The following IKBIP variants were observed in gnomAD, a reference collection of about 807,000 sequenced individuals.
The protein encoded by IKBIP is inhibitor of nuclear factor kappa-B kinase-interacting protein.
IKBIP carries 28 observed loss-of-function variants against 31.0 expected under a neutral mutation model. The observed-to-expected ratio is 0.90, with a 90% CI of 0.67 to 1.24. The LOEUF is 1.24. Ranked by LOEUF, IKBIP falls within the 50% of genes most tolerant of loss-of-function variation. The pLI is 0.00. For missense variants in IKBIP, 453 were observed against 441.9 expected, an observed-to-expected ratio of 1.03 and a Z score of -0.23; for synonymous variants, 164 against 160.3, an observed-to-expected ratio of 1.02 and a Z score of -0.17.
downstream of IKBIP, among the ~76,000 whole-genome samples, chr12:98,619,855 G>T (rs1442217099): frequency 8.2e-6 from 1 of 122,406 alleles, no homozygotes; most frequent in African/African-American, 3.1e-5. Context: ...CTGGGCGACA[G>T]AACCAGACCC....
chr12:98,644,454 A>G, intron 1 of IKBIP, 69 bp downstream of exon 1: 1 of 1,450,696 alleles, frequency 6.9e-7, no homozygotes, highest in Middle Eastern at 2.2e-4. Context: ...CTGGATGTTG[A>G]GCCGGGTGGG....
Position 98,624,614 on chromosome 12 carries a change from C to CA in IKBIP, c.*1315dup. 1.1e-6 allele frequency: 1 copy of CA among 900,696 alleles called. No homozygotes were observed. Among genetic ancestry groups the CA allele is most frequent in the Non-Finnish European group, 1.3e-6 (1 of 752,814 alleles). 55.8% of individuals were successfully genotyped at this position (900,696 alleles called of 1,614,324 possible). A position where few individuals can be genotyped will look rare whatever the true frequency, so the allele number is the denominator to read the frequency against. ...AAGGTTATTGACAAAGAAACAAGAA[C>CA]AAACTTCCATATTGCAGTTGACTAC... On this transcript the variant is annotated 3_prime_UTR_variant, in exon 3 of 3. Transcript: ENST00000299157.
In IKBIP at chr12:98,626,663, A is replaced by G; in HGVS notation, c.401T>C (p.Ile134Thr). 1 of 1,614,018 alleles carries G rather than the reference A, an allele frequency of 6.2e-7. No homozygotes were observed. ...VSNLQDIMHD[I>T]QNNEEVLTQR... ...AGTGAGCACCTCTTCATTATTTTGA[A>G]TGTCATGCATGATATCTTGGAGGTT... The change falls in exon 3 of 3, where the codon ATT becomes ACT. Residue 134 changes from isoleucine to threonine, a missense_variant. By Grantham distance (89) the Ile-to-Thr change is moderately conservative (BLOSUM62 -1). Coordinates refer to ENST00000299157, the MANE Select transcript of IKBIP (RefSeq NM_153687.4).
Position 98,642,599 on chromosome 12 carries a change from C to CTTATTT in IKBIP, c.179+1923_179+1924insAAATAA, listed in dbSNP as rs1565845650. Among the ~76,000 whole-genome samples the CTTATTT allele has an allele frequency of 5.6e-4, 64 of 115,280 alleles. 1 individual carries two copies. In the East Asian group the frequency reaches 0.015, roughly 26 times the overall value. The allele number at this position is 115,280 out of a possible 152,430, so 75.6% of individuals were successfully genotyped here. On this transcript the variant is annotated intron_variant, in intron 1 of 2. Coordinates refer to ENST00000299157, the MANE Select transcript of IKBIP (RefSeq NM_153687.4). Reference sequence around the variant, plus strand: ...TTAGTAAAATAAATAATGCTATCTGCTTTTTTTTTTTTTTTTTTTGAGAAG... The same window carrying CTTATTT: ...TTAGTAAAATAAATAATGCTATCTGCTTATTTTTTTTTTTTTTTTTTTTTTGAGAAG...
rs1277015589 is a variant in IKBIP, at chr12:98,624,380, CT to C, written c.*1549del. 1 of 985,280 alleles carries C rather than the reference CT, an allele frequency of 1.0e-6. No individual in the cohort carries two copies. The highest frequency in any genetic ancestry group is 6.1e-5 in the Admixed American group (1 of 16,272). The allele number at this position is 985,280 out of a possible 1,614,324, so 61.0% of individuals were successfully genotyped here. The stretch of plus-strand genomic sequence containing the variant: ...GACTGCAAAAATTAATGCTATGCCC[CT>C]TAATAACAGAACTCTCCAGGCTTAT... On this transcript the variant is annotated 3_prime_UTR_variant, in exon 3 of 3. Coordinates refer to ENST00000299157, the MANE Select transcript of IKBIP (RefSeq NM_153687.4).
chr12:98,613,754 T>C, exon 3 of IKBIP: 4 of 1,612,550 alleles, frequency 2.5e-6, no homozygotes, highest in Non-Finnish European at 3.4e-6. Flanking sequence ...TACTAATGGT[T>C]CTAAACGGGA....
downstream of IKBIP, among the ~76,000 whole-genome samples, chr12:98,620,113 T>C (rs12424982): frequency 0.3 from 42,564 of 143,138 alleles, 6,971 homozygotes; most frequent in East Asian, 0.49. Flanking sequence ...TTTTTTTTTT[T>C]AGTAGAGACG....
At chr12:98,627,280 A>C (rs1301380137) in intron 2 of IKBIP, among the ~76,000 whole-genome samples, 1 of 64,896 alleles carries the variant, frequency 1.5e-5, no homozygotes, top group African/African-American at 4.0e-5. Flanking sequence ...GCACTATGTT[A>C]AAAAAAAAAA....
rs942440894 is a variant in IKBIP, at chr12:98,624,868, G to C, written c.*1062C>G. ...CACTCAGGCTGGAGTGCAGTGGCGC[G>C]ATCTCGGCTCACTGCAAGCTCTGCC... On this transcript the variant is annotated 3_prime_UTR_variant, in exon 3 of 3. Coordinates refer to ENST00000299157, the MANE Select transcript of IKBIP (RefSeq NM_153687.4). 2 of 485,546 alleles carry C rather than the reference G, an allele frequency of 4.1e-6. No homozygotes were observed. Among genetic ancestry groups the C allele is most frequent in the Admixed American group, 6.4e-5 (1 of 15,596 alleles). 30.1% of individuals were successfully genotyped at this position (485,546 alleles called of 1,614,324 possible). A position where few individuals can be genotyped will look rare whatever the true frequency, so the allele number is the denominator to read the frequency against.
chr12:98,613,540 G>T, exon 3 of IKBIP: 1 of 924,312 alleles, frequency 1.1e-6, no homozygotes, highest in South Asian at 2.0e-5. Flanking sequence ...CTCATGAGAG[G>T]TCCCATTAAA....
At position 98,644,569 on chromosome 12, in the gene IKBIP, T is replaced by C. The variant is rs1441009323; in HGVS notation, c.133A>G (p.Thr45Ala). The change falls in exon 1 of 3, where the codon ACG becomes GCG. Residue 45 changes from threonine to alanine, a missense_variant. Coordinates refer to ENST00000299157, the MANE Select transcript of IKBIP (RefSeq NM_153687.4). Reference sequence around the variant, plus strand: ...CCCAGCGACAGCAGGCTCAGGCACGTTCGGGGGTCTGCCCAGCCCCCGCCT... The same window carrying C: ...CCCAGCGACAGCAGGCTCAGGCACGCTCGGGGGTCTGCCCAGCCCCCGCCT... Reference protein sequence around the residue: ...SGGGGWADPRTCLSLLSLGTC... With the variant: ...SGGGGWADPRACLSLLSLGTC... The C allele has an allele frequency of 2.5e-6, 4 of 1,608,842 alleles. No homozygotes were observed. The Admixed American group carries it at 6.7e-5, about 27-fold the overall frequency.
intron 2 of IKBIP, among the ~76,000 whole-genome samples, chr12:98,629,892 T>C (rs1034740464): frequency 7.9e-5 from 12 of 152,170 alleles, no homozygotes; most frequent in Non-Finnish European, 1.6e-4. Context: ...GTAGCTAGCA[T>C]TTATGGGCCA....
chr12:98,631,122 T>C (rs2097619795), intron 2 of IKBIP, among the ~76,000 whole-genome samples: 1 of 151,544 alleles, frequency 6.6e-6, no homozygotes, highest in Admixed American at 6.6e-5. Context: ...TTAGTAGAGA[T>C]GGGGTTTTTC....
chr12:98,635,668 C>T lies in IKBIP; in HGVS notation c.180-1255G>A, dbSNP rs113942035. On this transcript the variant is annotated intron_variant, in intron 1 of 2. Coordinates refer to ENST00000299157, the MANE Select transcript of IKBIP (RefSeq NM_153687.4). ...AGGTGTTTTTATGCTGAAATGTAGGCGAAACAAGAGTCGTCTATAAAAAGT... is the reference window on the plus strand; with the variant it reads ...AGGTGTTTTTATGCTGAAATGTAGGTGAAACAAGAGTCGTCTATAAAAAGT... Among the ~76,000 whole-genome samples the T allele has an allele frequency of 7.3e-4, 111 of 152,010 alleles. 1 individual carries two copies. Among genetic ancestry groups the T allele is most frequent in the African/African-American group, 2.5e-3 (102 of 41,442 alleles).
At chr12:98,613,407 G>T in exon 3 of IKBIP, 2 of 416,926 alleles carry the variant, frequency 4.8e-6, no homozygotes, top group South Asian at 3.8e-5. Flanking sequence ...GCAAAAATAG[G>T]TTTTAGCATA....
At chr12:98,634,683 G>C (rs984322715) in intron 1 of IKBIP, among the ~76,000 whole-genome samples, 1 of 149,568 alleles carries the variant, frequency 6.7e-6, no homozygotes, top group Admixed American at 6.7e-5. Context: ...TGTCCATCTC[G>C]CTATGTTGCC....
intron 2 of IKBIP, among the ~76,000 whole-genome samples, chr12:98,615,268 C>T (rs1450644193): frequency 6.6e-6 from 1 of 152,044 alleles, no homozygotes; most frequent in Non-Finnish European, 1.5e-5. Context: ...CTCACTCACT[C>T]TGTACCCAGG....
At position 98,634,361 on chromosome 12, in the gene IKBIP, A is replaced by C. The variant is rs2097623796; in HGVS notation, c.232T>G (p.Leu78Val). 1 of 1,608,148 alleles carries C rather than the reference A, an allele frequency of 6.2e-7. No individual in the cohort carries two copies. Among genetic ancestry groups the C allele is most frequent in the Non-Finnish European group, 8.5e-7 (1 of 1,175,348 alleles). ...AATTCATTGGTTTCTAGTTTCAGTA[A>C]CTGGTATTGGTTTTCCACCTTTGCA... ...KFAKVENQYQ[L>V]LKLETNEFQQ... Residue 78 changes from leucine to valine, a missense_variant, in exon 2 of 3, where the codon TTA becomes GTA. Transcript: ENST00000299157.
chr12:98,638,653 T>C (rs191501258), intron 1 of IKBIP, among the ~76,000 whole-genome samples: 1 of 152,106 alleles, frequency 6.6e-6, no homozygotes, highest in Non-Finnish European at 1.5e-5. Context: ...AGCCTGATCA[T>C]AGCTTACTGC....
Sources: allele counts gnomAD v4.1 joint callset (sites outside exome capture counted in the v4.1 genomes callset), GRCh38; gene constraint gnomAD v4.1.1; transcripts MANE v1.5; gene names NCBI Gene and HGNC (gene_info 2026-07-23, HGNC 2026-07-21).